Variants in PTH2R observed in about 807,000 individuals in gnomAD.
PTH2R encodes parathyroid hormone 2 receptor.
In PTH2R, 59 loss-of-function variants were observed where a neutral mutation model predicts 60.3. The observed-to-expected ratio is 0.98, with a 90% CI of 0.79 to 1.22. The LOEUF is 1.22. PTH2R is among the 50% of genes most tolerant of loss of function. The pLI, the probability that PTH2R is intolerant of heterozygous loss-of-function variation, is 0.00. For synonymous variants in PTH2R, 256 were observed against 243.8 expected (o/e 1.05, Z -0.47); for missense variants, 749 against 682.6 (o/e 1.10, Z -1.08).
chr2:208,394,713 T>C (rs928637220), intron 1 of PTH2R, among the ~76,000 whole-genome samples: 1 of 152,222 alleles, frequency 6.6e-6, no homozygotes, highest in African/African-American at 2.4e-5. Flanking sequence ...GCGTGCTAGA[T>C]TGAACTCTAT....
upstream of PTH2R, among the ~76,000 whole-genome samples, chr2:208,406,267 T>C (rs1369562158): frequency 6.6e-6 from 1 of 152,198 alleles, no homozygotes; most frequent in African/African-American, 2.4e-5. Context: ...ATATTAGTTG[T>C]CTTTTTTTAA....
Position 208,443,244 on chromosome 2 carries a change from T to C in PTH2R, c.510-104T>C, listed in dbSNP as rs555078241. 381 of 998,954 alleles carry C rather than the reference T, an allele frequency of 3.8e-4. 6 individuals are homozygous for C. In the South Asian group the frequency reaches 6.9e-3, roughly 18 times the overall value. 61.9% of individuals were successfully genotyped at this position (998,954 alleles called of 1,614,324 possible). ...TTGTGTGGAGTCTCGAACCAGTCCC[T>C]GCTGGAGGGGAGCAGGCTGGTTGGT... On this transcript the variant is annotated intron_variant, in intron 5 of 12. Transcript: ENST00000272847.
intron 1 of PTH2R, among the ~76,000 whole-genome samples, chr2:208,366,100 A>G (rs1700588181): frequency 6.8e-6 from 1 of 146,758 alleles, no homozygotes; most frequent in Admixed American, 6.9e-5. Flanking sequence ...GATTACAGGC[A>G]TGAGCCACCA....
intron 9 of PTH2R, among the ~76,000 whole-genome samples, chr2:208,461,951 A>G (rs542211605): frequency 6.6e-6 from 1 of 152,346 alleles, no homozygotes; most frequent in South Asian, 2.1e-4. Flanking sequence ...GTAGAAGGCC[A>G]TTTTCATCTT....
chr2:208,469,516 G>GA (rs1341332156), intron 9 of PTH2R, among the ~76,000 whole-genome samples: 1 of 152,134 alleles, frequency 6.6e-6, no homozygotes, highest in Non-Finnish European at 1.5e-5. Context: ...GCAGTCAGGA[G>GA]AAGTCATGTC....
chr2:208,416,783 G>T (rs892090395), intron 1 of PTH2R, among the ~76,000 whole-genome samples: 1 of 152,156 alleles, frequency 6.6e-6, no homozygotes, highest in Non-Finnish European at 1.5e-5. Flanking sequence ...AATGTGAAAA[G>T]AGAGACTGGC....
intron 4 of PTH2R, among the ~76,000 whole-genome samples, chr2:208,439,198 T>C (rs1337196660): frequency 6.6e-6 from 1 of 152,166 alleles, no homozygotes; most frequent in East Asian, 1.9e-4. Flanking sequence ...ATAACCATTT[T>C]CTGTGATTAC....
intron 1 of PTH2R, among the ~76,000 whole-genome samples, chr2:208,388,434 C>G (rs1701048588): frequency 6.6e-6 from 1 of 152,208 alleles, no homozygotes; most frequent in Non-Finnish European, 1.5e-5. Flanking sequence ...ACGTTCCACA[C>G]TATCCTTCAA....
intron 1 of PTH2R, among the ~76,000 whole-genome samples, chr2:208,366,358 CT>C (rs966152339): frequency 3.3e-5 from 5 of 152,060 alleles, no homozygotes; most frequent in African/African-American, 1.2e-4. Flanking sequence ...ATAATCCTTT[CT>C]TATCTGTAGC....
At chr2:208,426,493 C>T (rs962228534) in intron 1 of PTH2R, among the ~76,000 whole-genome samples, 4 of 152,138 alleles carry the variant, frequency 2.6e-5, no homozygotes, top group Non-Finnish European at 5.9e-5. Flanking sequence ...TTTGCTTTTA[C>T]TGGAAATGAC....
intron 10 of PTH2R, among the ~76,000 whole-genome samples, chr2:208,485,550 C>T (rs1426599414): frequency 6.6e-6 from 1 of 152,206 alleles, no homozygotes; most frequent in East Asian, 1.9e-4. Context: ...CAGCCAGACC[C>T]ATGACCCATG....
chr2:208,456,168 G>A (rs2105884259), intron 8 of PTH2R, among the ~76,000 whole-genome samples: 1 of 152,132 alleles, frequency 6.6e-6, no homozygotes, highest in Admixed American at 6.5e-5. Flanking sequence ...CCTGAACTGG[G>A]GAAGCAGAGG....
intron 1 of PTH2R, among the ~76,000 whole-genome samples, chr2:208,389,235 C>G (rs1466576626): frequency 2.9e-5 from 4 of 137,922 alleles, no homozygotes; most frequent in Admixed American, 2.8e-4. Context: ...CATACACACA[C>G]ACACACACAC....
At chr2:208,488,963 T>C (rs1470326595) in intron 10 of PTH2R, 49 bp from the exon 11 acceptor site, 7 of 1,605,010 alleles carry the variant, frequency 4.4e-6, no homozygotes, top group South Asian at 1.1e-5. Flanking sequence ...CTGTCTTTAC[T>C]GAAAGGCACT....
At chr2:208,437,486 T>C in intron 2 of PTH2R, 51 bp from the exon 3 acceptor site, 1 of 1,492,948 alleles carries the variant, frequency 6.7e-7, no homozygotes, top group Non-Finnish European at 9.1e-7. Flanking sequence ...GTTCTCTGGT[T>C]CTAACTACAT....
At chr2:208,411,815 T>C (rs937231738) in intron 1 of PTH2R, among the ~76,000 whole-genome samples, 2 of 152,226 alleles carry the variant, frequency 1.3e-5, no homozygotes, top group African/African-American at 4.8e-5. Context: ...GACTTACTCA[T>C]AGAATAAGCA....
intron 8 of PTH2R, among the ~76,000 whole-genome samples, chr2:208,452,313 A>G (rs1487070389): frequency 1.3e-5 from 2 of 152,212 alleles, no homozygotes; most frequent in South Asian, 2.1e-4. Flanking sequence ...TAAAATAACT[A>G]ATGCAAAGTT....
intron 10 of PTH2R, 135 bp downstream of exon 10, chr2:208,481,299 C>T (rs1170967983): frequency 7.8e-6 from 2 of 255,046 alleles, no homozygotes; most frequent in African/African-American, 3.9e-5. Flanking sequence ...GCTCACTCGC[C>T]TCCCGGGTTC....
chr2:208,424,307 G>A (rs1009671837), intron 1 of PTH2R, among the ~76,000 whole-genome samples: 8 of 152,178 alleles, frequency 5.3e-5, no homozygotes, highest in Non-Finnish European at 1.2e-4. Context: ...GTCATTTTGG[G>A]TTGGGTTTGT....
Sources: allele counts gnomAD v4.1 joint callset (sites outside exome capture counted in the v4.1 genomes callset), GRCh38; gene constraint gnomAD v4.1.1; transcripts MANE v1.5; gene names NCBI Gene and HGNC (gene_info 2026-07-23, HGNC 2026-07-21).